Variants in HERPUD2 observed in about 807,000 individuals in gnomAD.
The protein encoded by HERPUD2 is HERPUD family member 2.
A neutral mutation model predicts 49.9 loss-of-function variants in HERPUD2; 13 were observed. The observed-to-expected ratio is 0.26, with a 90% CI of 0.17 to 0.41. The LOEUF (loss-of-function observed/expected upper bound fraction) is 0.41, where lower values mean the gene tolerates loss of function less well. Among genes scored for constraint, HERPUD2 ranks in the 10% least tolerant of loss-of-function variants. The pLI is 1.00. For synonymous variants in HERPUD2, 172 were observed against 171.4 expected, an observed-to-expected ratio of 1.00 and a Z score of -0.03; for missense variants, 449 against 492.2, an observed-to-expected ratio of 0.91 and a Z score of 0.83.
At chr7:35,684,781 A>C (rs1396123289) in intron 2 of HERPUD2, among the ~76,000 whole-genome samples, 1 of 152,228 alleles carries the variant, frequency 6.6e-6, no homozygotes, top group African/African-American at 2.4e-5. Flanking sequence ...AAAAGACCAC[A>C]AACAGGGTGC....
intron 2 of HERPUD2, among the ~76,000 whole-genome samples, chr7:35,684,299 A>G (rs1785982371): frequency 1.3e-5 from 2 of 152,068 alleles, no homozygotes; most frequent in South Asian, 4.1e-4. Context: ...CTGAGGCAGG[A>G]GAATGGCGTG....
At chr7:35,660,014 C>CTA (rs1332237783) in intron 5 of HERPUD2, among the ~76,000 whole-genome samples, 1 of 152,112 alleles carries the variant, frequency 6.6e-6, no homozygotes, top group Non-Finnish European at 1.5e-5. Context: ...ATCTCCTAAG[C>CTA]TATCCCTCCC....
intron 2 of HERPUD2, among the ~76,000 whole-genome samples, chr7:35,674,965 GTTC>G (rs1785729307): frequency 1.3e-5 from 2 of 152,106 alleles, no homozygotes; most frequent in Non-Finnish European, 2.9e-5. Context: ...GTTTCCTTGA[GTTC>G]TGTGAGCTGC....
chr7:35,693,065 T>C (rs1236138593), intron 2 of HERPUD2, among the ~76,000 whole-genome samples: 1 of 152,246 alleles, frequency 6.6e-6, no homozygotes, highest in Non-Finnish European at 1.5e-5. Context: ...CACTTTCATA[T>C]ACAGTACTCT....
intron 5 of HERPUD2, among the ~76,000 whole-genome samples, chr7:35,663,137 C>G (rs906291410): frequency 6.6e-5 from 10 of 152,186 alleles, no homozygotes; most frequent in South Asian, 2.1e-4. Context: ...ACCCAGTAGT[C>G]ATTCAGGAGC....
At chr7:35,667,327 A>C in intron 5 of HERPUD2, 107 bp downstream of exon 5, 1 of 1,024,826 alleles carries the variant, frequency 9.8e-7, no homozygotes, top group African/African-American at 1.6e-5. Context: ...ATATGAATAA[A>C]TTTAAAATGT....
At chr7:35,665,402 T>C (rs573911112) in intron 5 of HERPUD2, among the ~76,000 whole-genome samples, 5 of 152,356 alleles carry the variant, frequency 3.3e-5, no homozygotes, top group Admixed American at 3.3e-4. Context: ...TCCTTGGGCA[T>C]GGGACCCTCT....
chr7:35,674,862 A>G (rs971200366), intron 2 of HERPUD2, among the ~76,000 whole-genome samples: 5 of 152,144 alleles, frequency 3.3e-5, no homozygotes, highest in Admixed American at 3.3e-4. Context: ...GGAAGCTCTG[A>G]GCCCTTTCTC....
chr7:35,686,515 C>T (rs1366109435), intron 2 of HERPUD2, among the ~76,000 whole-genome samples: 1 of 148,880 alleles, frequency 6.7e-6, no homozygotes, highest in East Asian at 2.1e-4. Flanking sequence ...GATTAAAAAC[C>T]CATTTCCACC....
At chr7:35,681,634 A>G (rs1785894045) in intron 2 of HERPUD2, among the ~76,000 whole-genome samples, 1 of 152,206 alleles carries the variant, frequency 6.6e-6, no homozygotes, top group Non-Finnish European at 1.5e-5. Context: ...ATATGCACAC[A>G]CGGAATATTA....
chr7:35,665,635 A>T (rs1785521321), intron 5 of HERPUD2, among the ~76,000 whole-genome samples: 1 of 152,212 alleles, frequency 6.6e-6, no homozygotes, highest in Admixed American at 6.5e-5. Flanking sequence ...AGTGAGATGA[A>T]CCTGGTACCT....
intron 6 of HERPUD2, 25 bp from the exon 7 acceptor site, chr7:35,635,483 T>C (rs1195548741): frequency 1.3e-6 from 2 of 1,561,076 alleles, no homozygotes; most frequent in Non-Finnish European, 1.7e-6. Flanking sequence ...AAAATAAATA[T>C]TAAAAAGAAA....
At chr7:35,641,584 A>G (rs757111168) in intron 5 of HERPUD2, among the ~76,000 whole-genome samples, 1 of 152,224 alleles carries the variant, frequency 6.6e-6, no homozygotes, top group Non-Finnish European at 1.5e-5. Context: ...CTGCAGGTCT[A>G]CAGTAACCAA....
intron 5 of HERPUD2, among the ~76,000 whole-genome samples, chr7:35,665,457 G>A (rs963682213): frequency 6.6e-6 from 1 of 152,206 alleles, no homozygotes; most frequent in Non-Finnish European, 1.5e-5. Context: ...GTTTGCTAAG[G>A]CCATTGGAAA....
chr7:35,691,962 C>G (rs1444995426), intron 2 of HERPUD2, among the ~76,000 whole-genome samples: 3 of 152,038 alleles, frequency 2.0e-5, no homozygotes, highest in African/African-American at 7.3e-5. Flanking sequence ...ACACACATAC[C>G]CCCACCGCTC....
chr7:35,693,611 T>C (rs1786242213), intron 2 of HERPUD2, among the ~76,000 whole-genome samples: 1 of 152,130 alleles, frequency 6.6e-6, no homozygotes, highest in African/African-American at 2.4e-5. Flanking sequence ...TTGATGACTT[T>C]AAGTCCAAAG....
intron 2 of HERPUD2, among the ~76,000 whole-genome samples, chr7:35,676,319 G>A (rs1249704240): frequency 6.6e-6 from 1 of 152,224 alleles, no homozygotes; most frequent in East Asian, 1.9e-4. Context: ...AATGTAGTTA[G>A]ATCTAGAGGG....
intron 5 of HERPUD2, among the ~76,000 whole-genome samples, chr7:35,656,218 T>G (rs1434902563): frequency 6.6e-6 from 1 of 151,836 alleles, no homozygotes; most frequent in African/African-American, 2.4e-5. Flanking sequence ...ACAATCCCCC[T>G]TACAATAGCT....
rs947768763 is a variant in HERPUD2 at position 35,635,405 on chromosome 7, G to A, written c.671C>T (p.Thr224Ile). Residue 224 changes from threonine (T) to isoleucine (I), a missense_variant, in exon 7 of 9, where the codon ACT becomes ATT. By Grantham distance (89) the Thr-to-Ile change is moderately conservative (BLOSUM62 -1). Coordinates refer to ENST00000311350, the MANE Select transcript of HERPUD2 (RefSeq NM_022373.5). ...TGCCAAATTTAGAGGCTGTGAAGTAGTAGGCTGGGTTGGGTTGACATTTGA... is the reference window on the plus strand; with the variant it reads ...TGCCAAATTTAGAGGCTGTGAAGTAATAGGCTGGGTTGGGTTGACATTTGA... ...ATSNVNPTQP[T>I]TSQPLNLAHV... 2.5e-6 allele frequency: 4 copies of A among 1,614,120 alleles called. No homozygotes were observed. Among genetic ancestry groups the A allele is most frequent in the Non-Finnish European group, 1.7e-6 (2 of 1,180,018 alleles).
Sources: gnomAD v4.1 joint callset for allele counts (sites outside exome capture counted in the v4.1 genomes callset) on GRCh38, gnomAD v4.1.1 for gene constraint, MANE v1.5 for transcripts, NCBI Gene and HGNC (gene_info 2026-07-23, HGNC 2026-07-21) for gene names.